Variants in GPATCH1 observed in about 807,000 individuals in gnomAD.
GPATCH1 encodes G patch domain-containing protein 1.
Under a neutral mutation model 114.9 loss-of-function variants are expected in GPATCH1, and 73 were observed. That is an observed-to-expected ratio of 0.64 (90% CI 0.53 to 0.77). The LOEUF is 0.77. Ranked by LOEUF, GPATCH1 falls within the 30% of genes least tolerant of loss-of-function variation. GPATCH1 has a pLI of 0.00. For missense variants in GPATCH1, 1,058 were observed against 1,144.3 expected (o/e 0.92, Z 1.09); for synonymous variants, 391 against 428.4 (o/e 0.91, Z 1.08).
chr19:33,083,234 ACT>A (rs1233637388), intron 1 of GPATCH1, among the ~76,000 whole-genome samples: 49 of 104,320 alleles, frequency 4.7e-4, no homozygotes, highest in Non-Finnish European at 8.0e-4. Flanking sequence ...ACAGAGCGAG[ACT>A]CTGTCTCAAA....
intron 17 of GPATCH1, among the ~76,000 whole-genome samples, chr19:33,124,874 C>T (rs1335023053): frequency 6.6e-6 from 1 of 152,076 alleles, no homozygotes; most frequent in Non-Finnish European, 1.5e-5. Flanking sequence ...CTGATTGGAT[C>T]ACACAGGTCT....
At chr19:33,112,389 T>C in intron 12 of GPATCH1, 97 bp from the exon 13 acceptor site, 1 of 1,411,478 alleles carries the variant, frequency 7.1e-7, no homozygotes, top group Non-Finnish European at 9.8e-7. Flanking sequence ...CAAACTTTTT[T>C]CACAGTTCTA....
chr19:33,091,029 A>G (rs1972588737), intron 3 of GPATCH1, among the ~76,000 whole-genome samples, 164 bp downstream of exon 3: 1 of 152,162 alleles, frequency 6.6e-6, no homozygotes, highest in Non-Finnish European at 1.5e-5. Flanking sequence ...ACATCAGTAG[A>G]GTCTTGTTCA....
rs1160739149 is a variant in GPATCH1, at chr19:33,107,251, CATTTTTTAA to C, written c.1285+355_1285+363del. Among the ~76,000 whole-genome samples, 21 of 152,198 alleles carry C rather than the reference CATTTTTTAA, an allele frequency of 1.4e-4. 2 individuals are homozygous for C. Among genetic ancestry groups the C allele is most frequent in the African/African-American group, 5.1e-4 (21 of 41,534 alleles). ...GCATGTGCCACCACCACACCTGGCACATTTTTTAAATAGAGATGAGGGTCTCACTATGTT... is the reference window on the plus strand; with the variant it reads ...GCATGTGCCACCACCACACCTGGCACATAGAGATGAGGGTCTCACTATGTT... On this transcript the variant is annotated intron_variant, in intron 10 of 19. Coordinates refer to ENST00000170564, the MANE Select transcript of GPATCH1 (RefSeq NM_018025.3).
intron 1 of GPATCH1, among the ~76,000 whole-genome samples, chr19:33,085,106 G>T (rs1164860714): frequency 1.3e-5 from 2 of 152,210 alleles, no homozygotes; most frequent in Non-Finnish European, 2.9e-5. Flanking sequence ...AGTACGTGCA[G>T]GTCTTCTCTG....
At chr19:33,110,526 C>T (rs1972839876) in intron 11 of GPATCH1, among the ~76,000 whole-genome samples, 1 of 152,116 alleles carries the variant, frequency 6.6e-6, no homozygotes, top group South Asian at 2.1e-4. Context: ...ATGCAGTAGT[C>T]CTCGTGAGAG....
At chr19:33,112,429 A>C in intron 12 of GPATCH1, 57 bp from the exon 13 acceptor site, 4 of 1,589,838 alleles carry the variant, frequency 2.5e-6, no homozygotes, top group Non-Finnish European at 3.4e-6. Flanking sequence ...TAAATGGGAG[A>C]GCAGTCAGGT....
chr19:33,097,966 G>T, intron 8 of GPATCH1, 64 bp downstream of exon 8: 3 of 1,466,186 alleles, frequency 2.0e-6, no homozygotes, highest in Non-Finnish European at 1.9e-6. Context: ...AGGAGGGGCT[G>T]CAAGAGCGAT....
At chr19:33,129,386 A>G (rs1407578264) in intron 19 of GPATCH1, among the ~76,000 whole-genome samples, 1 of 151,552 alleles carries the variant, frequency 6.6e-6, no homozygotes, top group African/African-American at 2.4e-5. Flanking sequence ...CAGCTCGGGT[A>G]ATATAGGGAG....
intron 1 of GPATCH1, among the ~76,000 whole-genome samples, chr19:33,086,836 C>T (rs556377950): frequency 5.3e-5 from 8 of 151,874 alleles, no homozygotes; most frequent in Non-Finnish European, 1.0e-4. Flanking sequence ...TGGCTGGACG[C>T]GGTCGCTCAC....
chr19:33,116,902 A>G (rs1360558684), intron 15 of GPATCH1, among the ~76,000 whole-genome samples: 1 of 151,812 alleles, frequency 6.6e-6, no homozygotes, highest in Non-Finnish European at 1.5e-5. Flanking sequence ...CAACCATTCA[A>G]ATTGTCCTCA....
At position 33,111,876 on chromosome 19, in the gene GPATCH1, C is replaced by G. The variant is rs775673852; in HGVS notation, c.1738C>G (p.Gln580Glu). 6.2e-7 allele frequency: 1 copy of G among 1,614,066 alleles called. No homozygotes were observed. Among genetic ancestry groups the G allele is most frequent in the South Asian group, 1.1e-5 (1 of 91,086 alleles). The change falls in exon 12 of 20, where the codon CAG becomes GAG. Residue 580 changes from glutamine to glutamate, a missense_variant. By Grantham distance (29) the Gln-to-Glu change is conservative. This residue lies in a region of GPATCH1 where 893 missense variants were observed against 977.4 expected (regional missense o/e 0.91). Coordinates refer to ENST00000170564, the MANE Select transcript of GPATCH1 (RefSeq NM_018025.3). ...CGCCAAGGAGGAGGATGACTCAGAT[C>G]AGGTTGAAGTCCCTCGAGACCAAGA... ...THAKEEDDSD[Q>E]VEVPRDQEND...
chr19:33,106,590 G>A (rs1050945513), intron 9 of GPATCH1, 105 bp from the exon 10 acceptor site: 2 of 878,936 alleles, frequency 2.3e-6, no homozygotes, highest in African/African-American at 1.7e-5. Flanking sequence ...GTGTTAACCC[G>A]GGAAGGGGCG....
At chr19:33,102,027 CAAAAA>C (rs563794335) in intron 9 of GPATCH1, among the ~76,000 whole-genome samples, 1 of 92,276 alleles carries the variant, frequency 1.1e-5, no homozygotes, top group Non-Finnish European at 2.2e-5. Context: ...AACTCTGTCT[CAAAAA>C]AAAAAAAAAA....
intron 9 of GPATCH1, among the ~76,000 whole-genome samples, chr19:33,106,114 G>A (rs1972781754): frequency 6.6e-6 from 1 of 152,158 alleles, no homozygotes; most frequent in African/African-American, 2.4e-5. Context: ...CTCCCAACAT[G>A]CTGGGATTAC....
At chr19:33,107,311 C>A (rs1300515982) in intron 10 of GPATCH1, among the ~76,000 whole-genome samples, 2 of 152,144 alleles carry the variant, frequency 1.3e-5, no homozygotes, top group African/African-American at 2.4e-5. Flanking sequence ...GAACTTCTGG[C>A]TTCCCAAAGT....
intron 17 of GPATCH1, among the ~76,000 whole-genome samples, chr19:33,123,270 C>T (rs1408103562): frequency 1.3e-5 from 2 of 151,620 alleles, no homozygotes; most frequent in East Asian, 3.9e-4. Context: ...CATGGTGGCA[C>T]ATGGCTGTAA....
chr19:33,099,765 A>AT lies in GPATCH1; in HGVS notation c.1001-1709dup, dbSNP rs35230371. Among the ~76,000 whole-genome samples, 594 of 118,284 alleles carry AT rather than the reference A, an allele frequency of 5.0e-3. 5 individuals carry two copies. Among genetic ancestry groups the AT allele is most frequent in the East Asian group, 0.024 (98 of 4,116 alleles). The allele number at this position is 118,284 out of a possible 152,430, so 77.6% of individuals were successfully genotyped here. A position where few individuals can be genotyped will look rare whatever the true frequency, so the allele number is the denominator to read the frequency against. ...AGGTGTGCACCACCACGCCCAGCTAATTTTTTTTTTTTTTTTTTTTTGAAG... is the reference window on the plus strand; with the variant it reads ...AGGTGTGCACCACCACGCCCAGCTAATTTTTTTTTTTTTTTTTTTTTTGAAG... On this transcript the variant is annotated intron_variant, in intron 8 of 19. Transcript: ENST00000170564.
At chr19:33,108,756 C>T (rs1156375669) in intron 10 of GPATCH1, among the ~76,000 whole-genome samples, 1 of 152,134 alleles carries the variant, frequency 6.6e-6, no homozygotes, top group Non-Finnish European at 1.5e-5. Flanking sequence ...AGCTGGCACT[C>T]ATGAGTGTTT....
Sources: gnomAD v4.1 joint callset for allele counts (sites outside exome capture counted in the v4.1 genomes callset) on GRCh38, gnomAD v4.1.1 for gene constraint, gnomAD v4.1.1 regional missense constraint, MANE v1.5 for transcripts, NCBI Gene and HGNC (gene_info 2026-07-23, HGNC 2026-07-21) for gene names.